GALNT13: variants seen among roughly 807,000 people sequenced by gnomAD.
The protein encoded by GALNT13 is polypeptide N-acetylgalactosaminyltransferase 13, also known as UDP-GalNAc:polypeptide N-acetylgalactosaminyltransferase 13.
In GALNT13, 28 loss-of-function variants were observed where a neutral mutation model predicts 64.2. That is an observed-to-expected ratio of 0.44 (90% CI 0.32 to 0.60). The LOEUF is 0.60. Among genes scored for constraint, GALNT13 ranks in the 20% least tolerant of loss-of-function variants. GALNT13 has a pLI of 0.05. For synonymous variants in GALNT13, 214 were observed against 224.6 expected (o/e 0.95, Z 0.42); for missense variants, 577 against 669.8 (o/e 0.86, Z 1.53).
chr2:153,353,027 A>G, the GALNT13 span, among the ~76,000 whole-genome samples: 25,973 of 152,036 alleles, frequency 0.17, 2,351 homozygotes, highest in African/African-American at 0.23. Flanking sequence ...TATTGATTCT[A>G]TAGATCAACT....
At chr2:153,455,410 G>A in the GALNT13 span, among the ~76,000 whole-genome samples, 1 of 152,186 alleles carries the variant, frequency 6.6e-6, no homozygotes. Flanking sequence ...CAACTCCTCC[G>A]CTGAAGGGAG....
chr2:153,176,769 TTA>T, the GALNT13 span, among the ~76,000 whole-genome samples: 18 of 88,886 alleles, frequency 2.0e-4, no homozygotes, highest in Non-Finnish European at 4.2e-4. Flanking sequence ...TTGCCTGAGT[TTA>T]AAAAAAAAAA....
chr2:153,900,044 T>G (rs1323009166), intron 1 of GALNT13, among the ~76,000 whole-genome samples: 1 of 150,524 alleles, frequency 6.6e-6, no homozygotes, highest in Non-Finnish European at 1.5e-5. Flanking sequence ...CAAGTGATGG[T>G]CCTGCCTCAG....
the GALNT13 span, among the ~76,000 whole-genome samples, chr2:153,554,158 T>C: frequency 9.9e-6 from 1 of 101,066 alleles, no homozygotes; most frequent in Admixed American, 1.1e-4. Context: ...CTACTAAAAA[T>C]ACAAAAAAAA....
At chr2:153,399,306 A>G in the GALNT13 span, among the ~76,000 whole-genome samples, 1 of 152,222 alleles carries the variant, frequency 6.6e-6, no homozygotes, top group Non-Finnish European at 1.5e-5. Flanking sequence ...TGGCAGTACC[A>G]CGCTGTTTTG....
chr2:154,423,643 A>G (rs1265347373), intron 11 of GALNT13, among the ~76,000 whole-genome samples: 1 of 152,154 alleles, frequency 6.6e-6, no homozygotes, highest in Admixed American at 6.5e-5. Context: ...ATAGCCCCCA[A>G]TTTCTTACTG....
At chr2:153,928,830 A>G (rs540604558) in intron 2 of GALNT13, among the ~76,000 whole-genome samples, 2 of 152,268 alleles carry the variant, frequency 1.3e-5, no homozygotes, top group East Asian at 3.9e-4. Context: ...GAATATCCCT[A>G]AATTCAAGCA....
chr2:153,780,503 C>T, the GALNT13 span, among the ~76,000 whole-genome samples: 1 of 151,914 alleles, frequency 6.6e-6, no homozygotes, highest in Non-Finnish European at 1.5e-5. Flanking sequence ...AATCATATTT[C>T]TGGTTCTAAG....
At chr2:153,958,605 C>G (rs1692734888) in intron 3 of GALNT13, among the ~76,000 whole-genome samples, 1 of 152,076 alleles carries the variant, frequency 6.6e-6, no homozygotes, top group African/African-American at 2.4e-5. Flanking sequence ...GCTGTTGCAC[C>G]CATGTCTAGT....
At chr2:154,238,923 G>A (rs1427401536) in intron 4 of GALNT13, among the ~76,000 whole-genome samples, 2 of 151,948 alleles carry the variant, frequency 1.3e-5, no homozygotes, top group Non-Finnish European at 2.9e-5. Context: ...TCACCATGCT[G>A]TGCATTAGAT....
chr2:153,779,177 C>CTTTT, the GALNT13 span, among the ~76,000 whole-genome samples: 244 of 148,916 alleles, frequency 1.6e-3, 1 homozygote, highest in African/African-American at 5.6e-3. Context: ...TATATCTTTC[C>CTTTT]TTTTTTTTTT....
intron 3 of GALNT13, among the ~76,000 whole-genome samples, chr2:154,090,584 C>T (rs1336020232): frequency 1.3e-5 from 2 of 151,978 alleles, no homozygotes; most frequent in Non-Finnish European, 2.9e-5. Context: ...TTAAAATAAC[C>T]TCTGTGACTG....
At chr2:153,593,260 TCGGTTTG>T in the GALNT13 span, 1 of 152,284 alleles carries the variant, frequency 6.6e-6, no homozygotes, top group East Asian at 1.9e-4. Flanking sequence ...GACCAGCCCT[TCGGTTTG>T]CGGTTTGCGT....
the GALNT13 span, among the ~76,000 whole-genome samples, chr2:153,578,904 A>G: frequency 6.6e-6 from 1 of 152,220 alleles, no homozygotes; most frequent in South Asian, 2.1e-4. Context: ...CCATAAAAAA[A>G]CCATAAATGC....
rs973263641 is a variant in GALNT13 at position 154,258,969 on chromosome 2, C to T, written c.858-52C>T. On this transcript the variant is annotated intron_variant, in intron 7 of 12. Transcript: ENST00000392825. Reference sequence around the variant, plus strand: ...ATACGTGCTACAGTCTCATTAAACTCCATACATTGTTTTCAAAAGATATTC... The same window carrying T: ...ATACGTGCTACAGTCTCATTAAACTTCATACATTGTTTTCAAAAGATATTC... The T allele has an allele frequency of 3.2e-6, 3 of 934,532 alleles. No homozygotes were observed. The Admixed American group carries it at 5.4e-5, about 17-fold the overall frequency. 57.9% of individuals were successfully genotyped at this position (934,532 alleles called of 1,614,324 possible).
At chr2:153,578,857 G>A in the GALNT13 span, among the ~76,000 whole-genome samples, 1 of 152,068 alleles carries the variant, frequency 6.6e-6, no homozygotes, top group African/African-American at 2.4e-5. Context: ...GGGATTGTTA[G>A]CAGTCACCTA....
chr2:153,601,047 G>A, the GALNT13 span, among the ~76,000 whole-genome samples: 20 of 151,892 alleles, frequency 1.3e-4, no homozygotes, highest in Non-Finnish European at 2.7e-4. Context: ...AGTGGTTCCA[G>A]GAAAGAAATT....
chr2:153,321,742 C>T, the GALNT13 span, among the ~76,000 whole-genome samples: 1 of 152,162 alleles, frequency 6.6e-6, no homozygotes, highest in Non-Finnish European at 1.5e-5. Flanking sequence ...GTGGAGCATA[C>T]ATGGGTGCTG....
chr2:153,175,698 C>T, the GALNT13 span, among the ~76,000 whole-genome samples: 5 of 151,966 alleles, frequency 3.3e-5, no homozygotes, highest in Non-Finnish European at 7.4e-5. Context: ...AACAATGCTC[C>T]CTAGTAATTC....
Sources: gnomAD v4.1 joint callset for allele counts (sites outside exome capture counted in the v4.1 genomes callset) on GRCh38, gnomAD v4.1.1 for gene constraint, MANE v1.5 for transcripts, NCBI Gene and HGNC (gene_info 2026-07-23, HGNC 2026-07-21) for gene names.